Variants in ABTB3 observed in about 807,000 individuals in gnomAD.
ABTB3 encodes ankyrin repeat and BTB domain containing 3.
the ABTB3 span, among the ~76,000 whole-genome samples, chr12:107,328,646 T>A: frequency 6.6e-6 from 1 of 152,222 alleles, no homozygotes; most frequent in Admixed American, 6.5e-5. Flanking sequence ...GTGAAATGAC[T>A]GTTTCTTATC....
At chr12:107,528,847 G>A in the ABTB3 span, among the ~76,000 whole-genome samples, 1 of 151,802 alleles carries the variant, frequency 6.6e-6, no homozygotes, top group Non-Finnish European at 1.5e-5. Context: ...GATGGTGATG[G>A]TGATGATGAT....
chr12:107,436,192 G>T, the ABTB3 span, among the ~76,000 whole-genome samples: 9 of 152,186 alleles, frequency 5.9e-5, no homozygotes, highest in African/African-American at 2.2e-4. Flanking sequence ...TGGGGACATT[G>T]TCATGTTCCT....
At chr12:107,481,371 G>A in the ABTB3 span, among the ~76,000 whole-genome samples, 9 of 152,218 alleles carry the variant, frequency 5.9e-5, no homozygotes, top group East Asian at 1.9e-4. Context: ...GCCTGACCCC[G>A]GAGGCCCTGC....
At chr12:107,482,961 TTTCTTTCTTTC>T in the ABTB3 span, among the ~76,000 whole-genome samples, 1 of 72,422 alleles carries the variant, frequency 1.4e-5, no homozygotes, top group Admixed American at 1.7e-4. Context: ...TCTTTCTTTC[TTTCTTTCTTTC>T]TTTCTTTCTT....
chr12:107,524,984 T>A, the ABTB3 span, among the ~76,000 whole-genome samples: 1 of 152,216 alleles, frequency 6.6e-6, no homozygotes, highest in Non-Finnish European at 1.5e-5. Flanking sequence ...TGCTGCGTCA[T>A]GACATTCCAG....
chr12:107,622,745 A>G, the ABTB3 span, among the ~76,000 whole-genome samples: 1 of 152,208 alleles, frequency 6.6e-6, no homozygotes, highest in Non-Finnish European at 1.5e-5. Context: ...AGGTGCTGGG[A>G]TTACAGGTGT....
chr12:107,442,835 T>C, the ABTB3 span, among the ~76,000 whole-genome samples: 1 of 152,206 alleles, frequency 6.6e-6, no homozygotes, highest in Non-Finnish European at 1.5e-5. Context: ...CTTAGTCCAC[T>C]CAGACTGCTG....
the ABTB3 span, among the ~76,000 whole-genome samples, chr12:107,340,092 G>A: frequency 1.3e-5 from 2 of 151,490 alleles, no homozygotes; most frequent in South Asian, 2.1e-4. Flanking sequence ...CGAAATTGTT[G>A]TGAATACTGA....
At chr12:107,451,511 C>G in the ABTB3 span, among the ~76,000 whole-genome samples, 1 of 152,170 alleles carries the variant, frequency 6.6e-6, no homozygotes, top group Non-Finnish European at 1.5e-5. Context: ...CGCCAGAACA[C>G]GCCATCAAAA....
At chr12:107,374,471 CTT>C in the ABTB3 span, among the ~76,000 whole-genome samples, 3 of 152,278 alleles carry the variant, frequency 2.0e-5, no homozygotes, top group South Asian at 6.2e-4. Flanking sequence ...CTTTTCAAAT[CTT>C]TGCACTTTGG....
the ABTB3 span, chr12:107,657,715 A>G: frequency 6.2e-7 from 1 of 1,614,110 alleles, no homozygotes; most frequent in Non-Finnish European, 8.5e-7. Flanking sequence ...GTTCCGTGGT[A>G]TGAAACGCCT....
the ABTB3 span, chr12:107,650,102 A>C: frequency 6.6e-6 from 1 of 152,216 alleles, no homozygotes; most frequent in Non-Finnish European, 1.5e-5. Context: ...GACACAATCA[A>C]CTGTTCAAGA....
the ABTB3 span, among the ~76,000 whole-genome samples, chr12:107,427,124 C>T: frequency 3.3e-5 from 5 of 152,198 alleles, no homozygotes; most frequent in South Asian, 1.0e-3. Flanking sequence ...AAAGTGGCAG[C>T]AGAGCTGGCT....
chr12:107,427,243 A>C, the ABTB3 span, among the ~76,000 whole-genome samples: 2 of 148,916 alleles, frequency 1.3e-5, no homozygotes, highest in Non-Finnish European at 3.0e-5. Flanking sequence ...TTCCATCATC[A>C]CGTTGCCTTC....
the ABTB3 span, among the ~76,000 whole-genome samples, chr12:107,428,323 T>C: frequency 6.6e-6 from 1 of 152,136 alleles, no homozygotes; most frequent in South Asian, 2.1e-4. Context: ...ATGCTGCCAG[T>C]TCCCCAGCAT....
At chr12:107,644,250 C>T in the ABTB3 span, among the ~76,000 whole-genome samples, 5 of 152,198 alleles carry the variant, frequency 3.3e-5, no homozygotes, top group South Asian at 2.1e-4. Flanking sequence ...AAGAACAGTT[C>T]TCACATCTTG....
chr12:107,332,281 C>G, the ABTB3 span, among the ~76,000 whole-genome samples: 1 of 152,208 alleles, frequency 6.6e-6, no homozygotes, highest in African/African-American at 2.4e-5. Context: ...TTTGGAAAAC[C>G]AAGAAGCCCA....
chr12:107,489,698 T>C, the ABTB3 span, among the ~76,000 whole-genome samples: 2 of 152,126 alleles, frequency 1.3e-5, no homozygotes, highest in African/African-American at 4.8e-5. Flanking sequence ...AACCTAAATG[T>C]CCCCAACGAA....
At chr12:107,586,498 G>A in the ABTB3 span, among the ~76,000 whole-genome samples, 2 of 152,056 alleles carry the variant, frequency 1.3e-5, no homozygotes, top group Non-Finnish European at 2.9e-5. Flanking sequence ...TCTCCGGCTG[G>A]GCTGCCAACC....
Sources: gnomAD v4.1 joint callset for allele counts (sites outside exome capture counted in the v4.1 genomes callset) on GRCh38, gnomAD v4.1.1 for gene constraint, MANE v1.5 for transcripts, NCBI Gene and HGNC (gene_info 2026-07-23, HGNC 2026-07-21) for gene names.